Variants in TAS2R1 observed in about 807,000 individuals in gnomAD.
The protein encoded by TAS2R1 is taste receptor type 2 member 1.
For missense variants in TAS2R1, 370 were observed against 353.4 expected (o/e 1.05, Z -0.38); for synonymous variants, 141 against 134.2 (o/e 1.05, Z -0.35).
At chr5:9,699,458 T>G (rs945408974) in intron 1 of TAS2R1, among the ~76,000 whole-genome samples, 5 of 152,196 alleles carry the variant, frequency 3.3e-5, no homozygotes, top group Non-Finnish European at 1.5e-5. Flanking sequence ...TTTTATTACT[T>G]GTGCCTACTG....
chr5:9,824,912 T>A, the TAS2R1 span, among the ~76,000 whole-genome samples: 1 of 150,220 alleles, frequency 6.7e-6, no homozygotes, highest in African/African-American at 2.4e-5. Flanking sequence ...AAGGTATCTA[T>A]CCCACCTGGA....
chr5:9,806,614 T>C, the TAS2R1 span, among the ~76,000 whole-genome samples: 1 of 152,044 alleles, frequency 6.6e-6, no homozygotes, highest in Admixed American at 6.5e-5. Context: ...AGCCAATTGA[T>C]TTTCGGCCAA....
the TAS2R1 span, among the ~76,000 whole-genome samples, chr5:9,891,050 A>G: frequency 3.9e-5 from 6 of 152,212 alleles, no homozygotes; most frequent in Non-Finnish European, 8.8e-5. Context: ...ACCTAATAAC[A>G]TGAAGTCATT....
chr5:9,734,909 T>G, the TAS2R1 span, among the ~76,000 whole-genome samples: 1 of 151,510 alleles, frequency 6.6e-6, no homozygotes, highest in Non-Finnish European at 1.5e-5. Flanking sequence ...GTAACTGTAT[T>G]CGTTTGTTCT....
At chr5:9,851,442 A>G in the TAS2R1 span, among the ~76,000 whole-genome samples, 1 of 152,176 alleles carries the variant, frequency 6.6e-6, no homozygotes, top group African/African-American at 2.4e-5. Context: ...CTTTTTTGAG[A>G]CACTAAAGAC....
At chr5:9,781,784 C>T in the TAS2R1 span, among the ~76,000 whole-genome samples, 1 of 152,180 alleles carries the variant, frequency 6.6e-6, no homozygotes, top group African/African-American at 2.4e-5. Flanking sequence ...TGAATAATGC[C>T]CTTCTCAGCA....
At chr5:9,862,470 C>G in the TAS2R1 span, among the ~76,000 whole-genome samples, 8 of 152,134 alleles carry the variant, frequency 5.3e-5, no homozygotes, top group African/African-American at 1.9e-4. Flanking sequence ...GCACAGAGCC[C>G]TCTGCTTGTG....
the TAS2R1 span, among the ~76,000 whole-genome samples, chr5:9,724,310 G>T: frequency 6.7e-6 from 1 of 148,168 alleles, no homozygotes; most frequent in Non-Finnish European, 1.5e-5. Flanking sequence ...TCTTTATTTG[G>T]CCTTTTAAAA....
the TAS2R1 span, among the ~76,000 whole-genome samples, chr5:9,824,770 C>A: frequency 6.8e-6 from 1 of 147,292 alleles, no homozygotes; most frequent in Admixed American, 6.9e-5. Context: ...TAGCTTGAAC[C>A]TGGGCAGCGG....
the TAS2R1 span, among the ~76,000 whole-genome samples, chr5:9,772,629 T>C: frequency 6.6e-6 from 1 of 151,890 alleles, no homozygotes; most frequent in African/African-American, 2.4e-5. Flanking sequence ...TATTGGGGCC[T>C]CTCTCTCTCT....
intron 1 of TAS2R1, among the ~76,000 whole-genome samples, chr5:9,694,726 T>TG (rs1407509941): frequency 6.6e-6 from 1 of 152,222 alleles, no homozygotes; most frequent in East Asian, 1.9e-4. Context: ...GAGTTTGGTA[T>TG]GAAAAAATTA....
chr5:9,741,499 T>G, the TAS2R1 span, among the ~76,000 whole-genome samples: 1 of 152,280 alleles, frequency 6.6e-6, no homozygotes, highest in East Asian at 1.9e-4. Flanking sequence ...TGTCTAATGT[T>G]GATATAAAAT....
the TAS2R1 span, among the ~76,000 whole-genome samples, chr5:9,842,685 A>G: frequency 0.06 from 9,064 of 152,104 alleles, 639 homozygotes; most frequent in East Asian, 0.23. Flanking sequence ...GCAAAGTTGC[A>G]GTTTTTACAA....
intron 1 of TAS2R1, among the ~76,000 whole-genome samples, chr5:9,665,723 AGCGGCT>A (rs1740618694): frequency 6.6e-6 from 1 of 152,248 alleles, no homozygotes; most frequent in Admixed American, 6.5e-5. Flanking sequence ...ATGAGAATTC[AGCGGCT>A]TAATACTCGA....
the TAS2R1 span, among the ~76,000 whole-genome samples, chr5:9,776,387 C>T: frequency 5.3e-5 from 8 of 152,296 alleles, no homozygotes; most frequent in South Asian, 2.1e-4. Flanking sequence ...CCTTCAGTGA[C>T]GTGAAATTAA....
At chr5:9,859,010 G>A in the TAS2R1 span, among the ~76,000 whole-genome samples, 12 of 152,306 alleles carry the variant, frequency 7.9e-5, no homozygotes, top group South Asian at 2.5e-3. Context: ...AGAGGTAGAT[G>A]GGTTTAATAG....
the TAS2R1 span, among the ~76,000 whole-genome samples, chr5:9,741,895 C>A: frequency 6.7e-6 from 1 of 149,958 alleles, no homozygotes; most frequent in African/African-American, 2.5e-5. Flanking sequence ...ACAAACAAGA[C>A]TGTTTTTTTT....
chr5:9,817,868 C>T, the TAS2R1 span, among the ~76,000 whole-genome samples: 2 of 139,442 alleles, frequency 1.4e-5, no homozygotes, highest in African/African-American at 5.4e-5. Context: ...GGCAGGAGAG[C>T]GAGAGGGAGA....
chr5:9,864,805 TGACAGGGTACA>T, the TAS2R1 span, among the ~76,000 whole-genome samples: 1 of 152,002 alleles, frequency 6.6e-6, no homozygotes, highest in Non-Finnish European at 1.5e-5. Flanking sequence ...AGATTGGAAG[TGACAGGGTACA>T]GCTAGAGAAG....
Sources: gnomAD v4.1 joint callset for allele counts (sites outside exome capture counted in the v4.1 genomes callset) on GRCh38, gnomAD v4.1.1 for gene constraint, MANE v1.5 for transcripts, NCBI Gene and HGNC (gene_info 2026-07-23, HGNC 2026-07-21) for gene names.